The following MESD variants were observed in gnomAD, a reference collection of about 807,000 sequenced individuals.
MESD encodes mesoderm development LRP chaperone, also known as LRP chaperone MESD.
MESD carries 7 observed loss-of-function variants against 12.9 expected under a neutral mutation model. The observed-to-expected ratio is 0.54, with a 90% confidence interval of 0.31 to 1.02. MESD has a LOEUF of 1.02. MESD is among the 50% of genes least tolerant of loss of function. The pLI is 0.05. For missense variants in MESD, 342 were observed against 296.7 expected (o/e 1.15, Z -1.12); for synonymous variants, 126 against 115.6 (o/e 1.09, Z -0.58).
At chr15:80,985,691 T>C (rs1188162542) in intron 1 of MESD, among the ~76,000 whole-genome samples, 1 of 142,810 alleles carries the variant, frequency 7.0e-6, no homozygotes, top group Non-Finnish European at 1.5e-5. Flanking sequence ...TATTACCCAG[T>C]TTGGAATGCA....
At chr15:80,982,803 C>T (rs1347230662) in intron 1 of MESD, among the ~76,000 whole-genome samples, 3 of 152,062 alleles carry the variant, frequency 2.0e-5, no homozygotes, top group African/African-American at 7.2e-5. Flanking sequence ...TATTGCAGGC[C>T]AGGCACTGTG....
chr15:80,954,444 C>A (rs1179248889), intron 3 of MESD, among the ~76,000 whole-genome samples: 2 of 152,188 alleles, frequency 1.3e-5, no homozygotes, highest in South Asian at 2.1e-4. Flanking sequence ...AGCCTGGGGG[C>A]TAGGTAGGCG....
At chr15:80,958,889 C>A (rs1902035073) in intron 3 of MESD, among the ~76,000 whole-genome samples, 1 of 152,134 alleles carries the variant, frequency 6.6e-6, no homozygotes, top group Admixed American at 6.5e-5. Flanking sequence ...CCTAGAGTAG[C>A]CGTGAAGGAC....
At chr15:80,983,399 T>C (rs1005754349) in intron 1 of MESD, among the ~76,000 whole-genome samples, 1 of 152,198 alleles carries the variant, frequency 6.6e-6, no homozygotes, top group African/African-American at 2.4e-5. Context: ...GGCTAGCAAT[T>C]CTGAGACTAT....
intron 3 of MESD, among the ~76,000 whole-genome samples, chr15:80,959,084 G>T (rs937718607): frequency 6.6e-6 from 1 of 152,256 alleles, no homozygotes; most frequent in African/African-American, 2.4e-5. Flanking sequence ...AGATTGCGGA[G>T]ATTTACCAAA....
intron 3 of MESD, among the ~76,000 whole-genome samples, chr15:80,966,457 C>T (rs1326217381): frequency 6.6e-6 from 1 of 152,076 alleles, no homozygotes; most frequent in East Asian, 1.9e-4. Context: ...TGGCAGAGGC[C>T]CTTTGGTTTC....
chr15:80,946,882 A>C (rs563564061), downstream of MESD: 2 of 896,698 alleles, frequency 2.2e-6, no homozygotes, highest in East Asian at 5.1e-5. Context: ...CAGTCCCACC[A>C]TGCACAAACC....
chr15:80,974,645 A>G (rs1902364877), downstream of MESD, among the ~76,000 whole-genome samples: 1 of 151,284 alleles, frequency 6.6e-6, no homozygotes. Flanking sequence ...AACTAAAGTT[A>G]ACAGAAGATA....
At position 80,977,931 on chromosome 15, in the gene MESD, C is replaced by T. The variant is rs1902462292; in HGVS notation, c.*1288G>A. Reference sequence around the variant, plus strand: ...CAAATGTCCCATCCAAAGCAGAGAACTGAGAATGCAGAGGGTGTGGTTCTT... The same window carrying T: ...CAAATGTCCCATCCAAAGCAGAGAATTGAGAATGCAGAGGGTGTGGTTCTT... On this transcript the variant is annotated 3_prime_UTR_variant, in exon 3 of 3. Coordinates refer to ENST00000261758, the MANE Select transcript of MESD (RefSeq NM_015154.3). 1 of 152,240 alleles carries T rather than the reference C, an allele frequency of 6.6e-6. No homozygotes were observed. The highest frequency in any genetic ancestry group is 1.5e-5 in the Non-Finnish European group (1 of 68,086). The allele number at this position is 152,240 out of a possible 1,614,324, so 9.4% of individuals were successfully genotyped here. A position where few individuals can be genotyped will look rare whatever the true frequency, so the allele number is the denominator to read the frequency against.
chr15:80,989,815 T>C lies in MESD; in HGVS notation c.-24A>G, dbSNP rs767739626. On this transcript the variant is annotated 5_prime_UTR_variant, in exon 1 of 3. Transcript: ENST00000261758. ...ATTTTCGCTGCGCCGCGCAGCGCCCTAGACGCGCTTACCCGACCTGCGCGG... is the reference window on the plus strand; with the variant it reads ...ATTTTCGCTGCGCCGCGCAGCGCCCCAGACGCGCTTACCCGACCTGCGCGG... 1 of 1,541,538 alleles carries C rather than the reference T, an allele frequency of 6.5e-7. No individual in the cohort carries two copies. Among genetic ancestry groups the C allele is most frequent in the South Asian group, 1.2e-5 (1 of 86,198 alleles).
At chr15:80,968,101 C>A (rs908915902) in intron 3 of MESD, among the ~76,000 whole-genome samples, 6 of 152,254 alleles carry the variant, frequency 3.9e-5, no homozygotes, top group African/African-American at 1.4e-4. Context: ...CAGTCTCCTG[C>A]AGACCGCTTG....
downstream of MESD, among the ~76,000 whole-genome samples, chr15:80,974,062 C>G (rs1475968302): frequency 7.0e-6 from 1 of 143,186 alleles, no homozygotes; most frequent in Non-Finnish European, 1.5e-5. Context: ...AATTATGGTT[C>G]CCCCCCCCAC....
intron 3 of MESD, among the ~76,000 whole-genome samples, chr15:80,970,180 A>AGAGACACATGGTGGGGAAGCCGT: frequency 6.6e-6 from 1 of 151,984 alleles, no homozygotes; most frequent in South Asian, 2.1e-4. Context: ...GTGGCAAATT[A>AGAGACACATGGTGGGGAAGCCGT]GAGACACATG....
At chr15:80,961,040 C>T (rs1241548347) in intron 3 of MESD, among the ~76,000 whole-genome samples, 2 of 152,148 alleles carry the variant, frequency 1.3e-5, no homozygotes, top group African/African-American at 2.4e-5. Flanking sequence ...GGAGCCCTTT[C>T]GTGGTCCCAG....
In MESD at chr15:80,979,861, C is replaced by T. The variant is rs1902527673; in HGVS notation, c.447-384G>A. Among the ~76,000 whole-genome samples the T allele has an allele frequency of 3.3e-5, 5 of 152,322 alleles. 1 individual carries two copies. In the South Asian group the frequency reaches 1.0e-3, roughly 32 times the overall value. The stretch of plus-strand genomic sequence containing the variant: ...TTTTATATTCTAGAGTGTCCAGTTA[C>T]ACTTTTATGGGACAAAAGACTTCTG... On this transcript the variant is annotated intron_variant, in intron 2 of 2. Transcript: ENST00000261758.
chr15:80,986,048 A>G (rs544369733), intron 1 of MESD, among the ~76,000 whole-genome samples: 2 of 152,316 alleles, frequency 1.3e-5, no homozygotes, highest in Admixed American at 6.5e-5. Context: ...TTAAAAAAAA[A>G]AGCAGCTTTA....
At chr15:80,987,966 ATAATT>A (rs1186045862) in intron 1 of MESD, among the ~76,000 whole-genome samples, 1 of 152,240 alleles carries the variant, frequency 6.6e-6, no homozygotes, top group African/African-American at 2.4e-5. Context: ...TCTATAAAAA[ATAATT>A]TAAAAAACAA....
intron 3 of MESD, among the ~76,000 whole-genome samples, chr15:80,965,512 A>G (rs1902160176): frequency 6.6e-6 from 1 of 152,242 alleles, no homozygotes; most frequent in South Asian, 2.1e-4. Context: ...ACATATGTTT[A>G]TTGTGGCACC....
chr15:80,963,751 CA>C (rs202141122), intron 3 of MESD, among the ~76,000 whole-genome samples: 1 of 152,010 alleles, frequency 6.6e-6, no homozygotes, highest in African/African-American at 2.4e-5. Flanking sequence ...TCAATAGATG[CA>C]AAAAAGGCCT....
Sources: gnomAD v4.1 joint callset for allele counts (sites outside exome capture counted in the v4.1 genomes callset) on GRCh38, gnomAD v4.1.1 for gene constraint, MANE v1.5 for transcripts, NCBI Gene and HGNC (gene_info 2026-07-23, HGNC 2026-07-21) for gene names.